Variants in KCNB2 observed in about 807,000 individuals in gnomAD.
KCNB2 encodes the protein delayed rectifier potassium channel protein.
KCNB2 carries 15 observed loss-of-function variants against 61.5 expected under a neutral mutation model. That is an observed-to-expected ratio of 0.24 (90% CI 0.16 to 0.38). The LOEUF (loss-of-function observed/expected upper bound fraction) is 0.38, where lower values mean the gene tolerates loss of function less well. Ranked by LOEUF, KCNB2 falls within the 10% of genes least tolerant of loss-of-function variation. The pLI is 1.00. For synonymous variants in KCNB2, 457 were observed against 446.0 expected, an observed-to-expected ratio of 1.02 and a Z score of -0.31; for missense variants, 828 against 1,125.2, an observed-to-expected ratio of 0.74 and a Z score of 3.78.
At chr8:72,561,713 A>ATATATATATG in intron 1 of KCNB2, among the ~76,000 whole-genome samples, 1 of 23,952 alleles carries the variant, frequency 4.2e-5, no homozygotes, top group East Asian at 2.8e-3. Context: ...ATATATATAT[A>ATATATATATG]TATATATATA....
intron 2 of KCNB2, among the ~76,000 whole-genome samples, chr8:72,582,245 G>GT (rs2128980522): frequency 6.6e-6 from 1 of 152,314 alleles, no homozygotes; most frequent in African/African-American, 2.4e-5. Context: ...TTATCTGCAT[G>GT]TGCCCTACTT....
rs565889230 is a variant in KCNB2 at position 72,874,655 on chromosome 8, G to A, written c.580-61280G>A. 2.6e-5 allele frequency among the ~76,000 whole-genome samples: 4 copies of A among 152,332 alleles called. No homozygotes were observed. In the South Asian group the frequency reaches 6.2e-4, roughly 24 times the overall value. On this transcript the variant is annotated intron_variant, in intron 2 of 2. Transcript: ENST00000523207. ...CCAATGAAATGTTTACATTGCAGCC[G>A]AGGCTCCTGCTCAGCTGCCGGAACC...
At chr8:72,704,035 G>C (rs916682599) in intron 2 of KCNB2, among the ~76,000 whole-genome samples, 1 of 152,158 alleles carries the variant, frequency 6.6e-6, no homozygotes, top group Non-Finnish European at 1.5e-5. Context: ...ACAGTTTCCA[G>C]AGGGTAGTCA....
intron 2 of KCNB2, among the ~76,000 whole-genome samples, chr8:72,779,326 T>C (rs1025084591): frequency 6.6e-6 from 1 of 150,518 alleles, no homozygotes; most frequent in South Asian, 2.2e-4. Context: ...GTGCTGACCA[T>C]AGCAACAAAG....
intron 2 of KCNB2, among the ~76,000 whole-genome samples, chr8:72,755,906 C>T (rs1226686976): frequency 6.6e-6 from 1 of 152,204 alleles, no homozygotes; most frequent in Non-Finnish European, 1.5e-5. Context: ...GTAGCATCTT[C>T]ATCCTGCAGG....
At chr8:72,756,673 A>G (rs943640248) in intron 2 of KCNB2, among the ~76,000 whole-genome samples, 11 of 152,198 alleles carry the variant, frequency 7.2e-5, no homozygotes, top group African/African-American at 2.7e-4. Context: ...TTATTGGTCT[A>G]GCTATAGCCT....
intron 2 of KCNB2, among the ~76,000 whole-genome samples, chr8:72,625,920 G>T (rs898242231): frequency 7.9e-5 from 12 of 151,892 alleles, no homozygotes; most frequent in African/African-American, 2.9e-4. Context: ...GCAATAGTGA[G>T]ATACAGTATA....
At chr8:72,588,121 T>C (rs1807028939) in intron 2 of KCNB2, among the ~76,000 whole-genome samples, 1 of 152,194 alleles carries the variant, frequency 6.6e-6, no homozygotes, top group South Asian at 2.1e-4. Context: ...TCTGTCTTCC[T>C]CATAAATTTT....
chr8:72,679,556 T>G (rs1301406165), intron 2 of KCNB2, among the ~76,000 whole-genome samples: 2 of 152,216 alleles, frequency 1.3e-5, no homozygotes, highest in African/African-American at 2.4e-5. Flanking sequence ...AATTCAAAAG[T>G]GTTTTATTAT....
chr8:72,716,438 G>A (rs1226693897), intron 2 of KCNB2, among the ~76,000 whole-genome samples: 1 of 152,174 alleles, frequency 6.6e-6, no homozygotes, highest in Non-Finnish European at 1.5e-5. Context: ...GCCGAATCCA[G>A]CAACCCATCA....
At chr8:72,643,311 G>C (rs371131189) in intron 2 of KCNB2, among the ~76,000 whole-genome samples, 3 of 152,278 alleles carry the variant, frequency 2.0e-5, no homozygotes. Flanking sequence ...GGAGGTATGG[G>C]ATGGGCTAGA....
At chr8:72,562,483 G>A (rs1199283727) in intron 1 of KCNB2, among the ~76,000 whole-genome samples, 1 of 152,154 alleles carries the variant, frequency 6.6e-6, no homozygotes, top group African/African-American at 2.4e-5. Flanking sequence ...CTAATGAAGG[G>A]ATGGTGAGTA....
At chr8:72,645,266 GTA>G (rs143305323) in intron 2 of KCNB2, among the ~76,000 whole-genome samples, 3,297 of 152,130 alleles carry the variant, frequency 0.022, 154 homozygotes, top group East Asian at 0.2. Context: ...TATGGCCTAA[GTA>G]TATATACTAG....
chr8:72,886,163 C>G (rs1427459165), intron 2 of KCNB2, among the ~76,000 whole-genome samples: 1 of 152,122 alleles, frequency 6.6e-6, no homozygotes, highest in Admixed American at 6.5e-5. Flanking sequence ...ATCCTGTGTA[C>G]CTACTACTGT....
intron 2 of KCNB2, among the ~76,000 whole-genome samples, chr8:72,763,826 G>A (rs1808422281): frequency 6.6e-6 from 1 of 152,134 alleles, no homozygotes; most frequent in African/African-American, 2.4e-5. Flanking sequence ...TTATTGTAAA[G>A]GCCTATGTGC....
intron 2 of KCNB2, among the ~76,000 whole-genome samples, chr8:72,852,667 T>C (rs998586471): frequency 1.3e-5 from 2 of 152,232 alleles, no homozygotes; most frequent in Admixed American, 6.5e-5. Flanking sequence ...TCCAATAGAA[T>C]CTGATGGTTA....
Position 72,568,018 on chromosome 8 carries a change from C to A in KCNB2, c.284C>A (p.Ala95Asp). The A allele has an allele frequency of 6.2e-7, 1 of 1,614,076 alleles. No homozygotes were observed. Among genetic ancestry groups the A allele is most frequent in the Non-Finnish European group, 8.5e-7 (1 of 1,180,006 alleles). ...TATTTCTTTGATCGGCATCCAGGAG[C>A]CTTCACTTCCATTTTAAATTTCTAC... is the stretch of plus-strand genomic sequence containing the variant. Reference protein sequence around the residue: ...NEYFFDRHPGAFTSILNFYRT... With the variant: ...NEYFFDRHPGDFTSILNFYRT... Residue 95 changes from alanine to aspartate, a missense_variant, in exon 2 of 3, where the codon GCC (alanine) becomes GAC (aspartate). Coordinates refer to ENST00000523207, the MANE Select transcript of KCNB2 (RefSeq NM_004770.3).
At chr8:72,695,072 A>G (rs1230744508) in intron 2 of KCNB2, among the ~76,000 whole-genome samples, 1 of 152,148 alleles carries the variant, frequency 6.6e-6, no homozygotes, top group Non-Finnish European at 1.5e-5. Flanking sequence ...CCTTACCTGT[A>G]AAACAGGTTA....
chr8:72,805,037 G>A (rs1174080894), intron 2 of KCNB2, among the ~76,000 whole-genome samples: 1 of 152,154 alleles, frequency 6.6e-6, no homozygotes, highest in Admixed American at 6.5e-5. Flanking sequence ...CAGATTGCCA[G>A]GTTCAAATCC....
Sources: gnomAD v4.1 joint callset for allele counts (sites outside exome capture counted in the v4.1 genomes callset) on GRCh38, gnomAD v4.1.1 for gene constraint, MANE v1.5 for transcripts, NCBI Gene and HGNC (gene_info 2026-07-23, HGNC 2026-07-21) for gene names.